AGBL4: variants seen among roughly 807,000 people sequenced by gnomAD.
The protein encoded by AGBL4 is AGBL carboxypeptidase 4, also known as cytosolic carboxypeptidase 6.
AGBL4 carries 58 observed loss-of-function variants against 66.4 expected under a neutral mutation model. The ratio of observed to expected loss-of-function variants is 0.87; its 90% CI spans 0.71 to 1.09. The LOEUF is 1.09. Among genes scored for constraint, AGBL4 ranks in the 50% least tolerant of loss-of-function variants. The pLI is 0.00. For missense variants in AGBL4, 579 were observed against 631.0 expected (o/e 0.92, Z 0.88); for synonymous variants, 234 against 222.9 (o/e 1.05, Z -0.44).
At chr1:48,814,067 TGGC>T (rs1483100138) in intron 6 of AGBL4, among the ~76,000 whole-genome samples, 2 of 152,100 alleles carry the variant, frequency 1.3e-5, no homozygotes, top group Non-Finnish European at 2.9e-5. Flanking sequence ...TTGAATCCCC[TGGC>T]AAAATCCTGT....
chr1:48,856,993 G>A (rs1647177830), intron 6 of AGBL4, among the ~76,000 whole-genome samples: 2 of 152,150 alleles, frequency 1.3e-5, no homozygotes, highest in Admixed American at 1.3e-4. Flanking sequence ...AAAGACAAAG[G>A]ATTTAGAATA....
intron 3 of AGBL4, among the ~76,000 whole-genome samples, chr1:49,393,891 G>A (rs1644902158): frequency 6.6e-6 from 1 of 152,080 alleles, no homozygotes; most frequent in Admixed American, 6.6e-5. Flanking sequence ...AAAATTTGTT[G>A]AACACTTCGG....
intron 2 of AGBL4, chr1:49,845,615 T>C (rs770204727): frequency 8.7e-6 from 14 of 1,604,028 alleles, no homozygotes; most frequent in Non-Finnish European, 1.1e-5. Context: ...TTCACCCAGA[T>C]CACACCACTG....
At chr1:49,553,799 ACTT>A (rs551215661) in intron 3 of AGBL4, among the ~76,000 whole-genome samples, 75 of 152,282 alleles carry the variant, frequency 4.9e-4, no homozygotes, top group Non-Finnish European at 8.7e-4. Flanking sequence ...CCTTTTAAAC[ACTT>A]CTACATTATT....
At chr1:48,619,578 C>T (rs1570027214) in intron 9 of AGBL4, among the ~76,000 whole-genome samples, 1 of 152,166 alleles carries the variant, frequency 6.6e-6, no homozygotes, top group Non-Finnish European at 1.5e-5. Flanking sequence ...GCCAGGAGGC[C>T]GAGTCACATA....
intron 1 of AGBL4, among the ~76,000 whole-genome samples, chr1:49,950,020 ATGTGTGTGTG>A (rs71059568): frequency 1.4e-5 from 2 of 138,318 alleles, no homozygotes; most frequent in African/African-American, 5.3e-5. Context: ...ACACACACAT[ATGTGTGTGTG>A]TGTATATATA....
chr1:48,735,627 C>G (rs1205474878), intron 6 of AGBL4, among the ~76,000 whole-genome samples: 1 of 152,066 alleles, frequency 6.6e-6, no homozygotes, highest in Non-Finnish European at 1.5e-5. Flanking sequence ...GACTCCCTGT[C>G]TCTTTGCCTG....
intron 6 of AGBL4, among the ~76,000 whole-genome samples, chr1:48,719,498 G>A (rs541639581): frequency 1.3e-5 from 2 of 152,212 alleles, no homozygotes; most frequent in South Asian, 4.2e-4. Context: ...ATTTTTCTAA[G>A]GCACAAAGCC....
chr1:48,779,427 A>C (rs900943179), intron 6 of AGBL4, among the ~76,000 whole-genome samples: 4 of 152,140 alleles, frequency 2.6e-5, no homozygotes, highest in African/African-American at 9.7e-5. Flanking sequence ...ATCAGCTCAA[A>C]TGTCATTGCC....
intron 6 of AGBL4, among the ~76,000 whole-genome samples, chr1:48,673,742 G>A (rs946828853): frequency 3.3e-5 from 5 of 152,232 alleles, no homozygotes; most frequent in Admixed American, 2.0e-4. Flanking sequence ...CGACAGCCAA[G>A]GAAGGCAAGG....
At chr1:49,107,927 C>G (rs1645330376) in intron 4 of AGBL4, among the ~76,000 whole-genome samples, 1 of 152,166 alleles carries the variant, frequency 6.6e-6, no homozygotes, top group Admixed American at 6.5e-5. Context: ...ATATAGAGCT[C>G]CCAGTACCCA....
At chr1:49,041,585 C>G (rs1453204934) in intron 5 of AGBL4, among the ~76,000 whole-genome samples, 2 of 152,130 alleles carry the variant, frequency 1.3e-5, no homozygotes, top group Non-Finnish European at 2.9e-5. Context: ...CTGATATGAA[C>G]TAGTCATGTG....
At chr1:49,066,694 C>T (rs1332714234) in intron 4 of AGBL4, among the ~76,000 whole-genome samples, 1 of 152,164 alleles carries the variant, frequency 6.6e-6, no homozygotes, top group Non-Finnish European at 1.5e-5. Flanking sequence ...AATCAGAAAT[C>T]ACATCTCTAT....
At chr1:48,599,873 A>G (rs996144866) in intron 9 of AGBL4, among the ~76,000 whole-genome samples, 1 of 152,136 alleles carries the variant, frequency 6.6e-6, no homozygotes, top group Admixed American at 6.5e-5. Flanking sequence ...TGAAGGTATA[A>G]ATATAGGAAT....
chr1:49,258,705 G>A (rs1056367172), intron 3 of AGBL4, among the ~76,000 whole-genome samples: 10 of 152,288 alleles, frequency 6.6e-5, no homozygotes, highest in African/African-American at 2.4e-4. Context: ...GTGACGGGGA[G>A]AATGGAACCA....
chr1:49,326,097 T>C (rs551387579), intron 3 of AGBL4, among the ~76,000 whole-genome samples: 2 of 152,342 alleles, frequency 1.3e-5, no homozygotes, highest in South Asian at 2.1e-4. Context: ...TAGAACTTCA[T>C]AGTCAAACTG....
intron 3 of AGBL4, among the ~76,000 whole-genome samples, chr1:49,256,184 AT>A (rs1014020771): frequency 2.0e-5 from 3 of 148,550 alleles, no homozygotes; most frequent in Non-Finnish European, 4.6e-5. Context: ...ATTATAACAA[AT>A]TTTTTAAAAA....
At chr1:49,603,170 C>T (rs1362434333) in intron 3 of AGBL4, among the ~76,000 whole-genome samples, 2 of 152,058 alleles carry the variant, frequency 1.3e-5, no homozygotes, top group African/African-American at 4.8e-5. Flanking sequence ...AACAGGAACC[C>T]AGGTGGGAAG....
At chr1:49,322,916 G>A (rs1011471241) in intron 3 of AGBL4, among the ~76,000 whole-genome samples, 2 of 152,096 alleles carry the variant, frequency 1.3e-5, no homozygotes, top group Admixed American at 1.3e-4. Flanking sequence ...GAATATTAGT[G>A]GCTGTTAATT....
Sources: gnomAD v4.1 joint callset for allele counts (sites outside exome capture counted in the v4.1 genomes callset) on GRCh38, gnomAD v4.1.1 for gene constraint, MANE v1.5 for transcripts, NCBI Gene and HGNC (gene_info 2026-07-23, HGNC 2026-07-21) for gene names.